The following MIER1 variants were observed in gnomAD, a reference collection of about 807,000 sequenced individuals.
MIER1 encodes MIER1 transcriptional regulator, also known as mesoderm induction early response protein 1.
A neutral mutation model predicts 75.7 loss-of-function variants in MIER1; 40 were observed. The ratio of observed to expected loss-of-function variants is 0.53; its 90% CI spans 0.41 to 0.69. The LOEUF (loss-of-function observed/expected upper bound fraction) is 0.69. Ranked by LOEUF, MIER1 falls within the 30% of genes least tolerant of loss-of-function variation. MIER1 has a pLI of 0.00. For missense variants in MIER1, 574 were observed against 680.2 expected (o/e 0.84, Z 1.74); for synonymous variants, 213 against 223.4 (o/e 0.95, Z 0.42).
At chr1:66,983,262 AGTC>A (rs1157564401) in intron 13 of MIER1, among the ~76,000 whole-genome samples, 3 of 152,320 alleles carry the variant, frequency 2.0e-5, no homozygotes, top group South Asian at 2.1e-4. Flanking sequence ...ACCTAATCAC[AGTC>A]GTCAGCTAGC....
intron 4 of MIER1, chr1:66,946,778 T>A: frequency 1.0e-6 from 1 of 985,394 alleles, no homozygotes. Context: ...CCTTGTTACA[T>A]CCATTTTTAT....
At chr1:66,963,938 G>C (rs1661784909) in intron 8 of MIER1, among the ~76,000 whole-genome samples, 1 of 151,570 alleles carries the variant, frequency 6.6e-6, no homozygotes, top group African/African-American at 2.4e-5. Context: ...GGATTACTTT[G>C]ATGCTTGTGT....
chr1:66,962,353 A>G (rs17129553), intron 7 of MIER1, among the ~76,000 whole-genome samples: 3,527 of 152,228 alleles, frequency 0.023, 136 homozygotes, highest in African/African-American at 0.082. Flanking sequence ...TTTGGCCCCT[A>G]CTGAGCTTTA....
chr1:66,966,594 C>CCTTGAGGAATCGCCACACTGT (rs1662458897), intron 8 of MIER1, among the ~76,000 whole-genome samples: 1 of 152,178 alleles, frequency 6.6e-6, no homozygotes, highest in Non-Finnish European at 1.5e-5. Flanking sequence ...AGTTCTAGGT[C>CCTTGAGGAATCGCCACACTGT]CTTGAGGAAT....
intron 4 of MIER1, among the ~76,000 whole-genome samples, chr1:66,948,413 A>T (rs1273589918): frequency 6.6e-6 from 1 of 152,252 alleles, no homozygotes; most frequent in Non-Finnish European, 1.5e-5. Flanking sequence ...ACATTTAAAG[A>T]GCTCAAAAAG....
At chr1:66,955,337 T>TA (rs2101650796) in intron 4 of MIER1, among the ~76,000 whole-genome samples, 1 of 13,216 alleles carries the variant, frequency 7.6e-5, no homozygotes, top group African/African-American at 3.4e-4. Context: ...ATCACCTGAG[T>TA]TTTTTTTTTT....
intron 8 of MIER1, among the ~76,000 whole-genome samples, chr1:66,969,727 AAAAC>A (rs1293481170): frequency 6.6e-6 from 1 of 152,022 alleles, no homozygotes; most frequent in Non-Finnish European, 1.5e-5. Context: ...CTCATCTTTG[AAAAC>A]AAACAAACCA....
intron 1 of MIER1, among the ~76,000 whole-genome samples, 180 bp from the exon 2 acceptor site, chr1:66,925,962 C>T (rs953429819): frequency 4.6e-5 from 7 of 151,762 alleles, no homozygotes; most frequent in Non-Finnish European, 7.4e-5. Flanking sequence ...CGCTTTTATT[C>T]CTTTATCATT....
chr1:66,934,697 T>A (rs967087152), intron 2 of MIER1, among the ~76,000 whole-genome samples: 4 of 152,134 alleles, frequency 2.6e-5, no homozygotes, highest in Admixed American at 2.0e-4. Flanking sequence ...TCCCAGTCCT[T>A]ATTTTCTATG....
At position 66,984,741 on chromosome 1, in the gene MIER1, G is replaced by A. The variant is rs765371444; in HGVS notation, c.1539G>A (p.Met513Ile). Residue 513 changes from methionine (M) to isoleucine (I), a missense_variant, in exon 14 of 14, where the codon ATG (methionine) becomes ATA (isoleucine). Physicochemically the swap from Met to Ile is conservative, Grantham distance 10 (BLOSUM62 1). Coordinates refer to ENST00000401041, the MANE Select transcript of MIER1 (RefSeq NM_001077700.3). ...CCACTGACCCAAAACTTGCCCATAT[G>A]ACTGCAAGAAATGAAAATGATTTTG... Reference protein sequence around the residue: ...NLTTDPKLAHMTARNENDFDE... With the variant: ...NLTTDPKLAHITARNENDFDE... 1 of 1,613,904 alleles carries A rather than the reference G, an allele frequency of 6.2e-7. No individual in the cohort carries two copies. The highest frequency in any genetic ancestry group is 8.5e-7 in the Non-Finnish European group (1 of 1,179,930).
chr1:66,939,361 C>G (rs918042709), intron 2 of MIER1, among the ~76,000 whole-genome samples: 2 of 152,070 alleles, frequency 1.3e-5, no homozygotes, highest in African/African-American at 4.8e-5. Context: ...AAATTTATGA[C>G]AGGTAGAATG....
chr1:66,960,585 G>A (rs895889562), intron 7 of MIER1, among the ~76,000 whole-genome samples: 5 of 152,144 alleles, frequency 3.3e-5, no homozygotes, highest in Non-Finnish European at 5.9e-5. Flanking sequence ...GGCTGAGGTA[G>A]GGAGAATCAC....
At chr1:66,953,437 T>G (rs769218695) in intron 4 of MIER1, among the ~76,000 whole-genome samples, 2 of 152,142 alleles carry the variant, frequency 1.3e-5, no homozygotes, top group Non-Finnish European at 2.9e-5. Context: ...ACTTTTACCT[T>G]AGATTAAATA....
At chr1:66,925,482 C>G (rs1013341492) in intron 1 of MIER1, 2 of 985,474 alleles carry the variant, frequency 2.0e-6, no homozygotes, top group South Asian at 4.7e-5. Flanking sequence ...CCTGTATTTC[C>G]CTCACTTGTG....
At chr1:66,978,508 T>A (rs757135001) in intron 12 of MIER1, among the ~76,000 whole-genome samples, 1 of 152,156 alleles carries the variant, frequency 6.6e-6, no homozygotes. Flanking sequence ...ATGTTAAATT[T>A]ATAGTTAATT....
chr1:66,938,192 A>G (rs1311312928), intron 2 of MIER1, among the ~76,000 whole-genome samples: 1 of 152,188 alleles, frequency 6.6e-6, no homozygotes, highest in Admixed American at 6.5e-5. Context: ...TAAGATATTT[A>G]TTGGCATTCA....
In MIER1 at chr1:66,959,720, A is replaced by G; in HGVS notation, c.676A>G (p.Ile226Val). The G allele has an allele frequency of 7.0e-7, 1 of 1,434,170 alleles. No individual in the cohort carries two copies. 88.8% of individuals were successfully genotyped at this position (1,434,170 alleles called of 1,614,324 possible). A position where few individuals can be genotyped will look rare whatever the true frequency, so the allele number is the denominator to read the frequency against. ...AGAATCTGAAGAAGATGAAGATTAT[A>G]TTCCATCAGAAGACTGGAAAAAGGT... is the stretch of plus-strand genomic sequence containing the variant. The part of the protein sequence containing the change: ...EEESEEDEDY[I>V]PSEDWKKEIM... The change falls in exon 7 of 14, where the codon ATT becomes GTT. Residue 226 changes from isoleucine to valine, a missense_variant. Around this residue, in one of 3 missense-constraint regions of MIER1, gnomAD observed 309 missense variants for 352.8 expected, o/e 0.88. Transcript: ENST00000401041.
At chr1:66,934,009 G>C (rs1392625320) in intron 2 of MIER1, among the ~76,000 whole-genome samples, 1 of 152,240 alleles carries the variant, frequency 6.6e-6, no homozygotes, top group South Asian at 2.1e-4. Flanking sequence ...TCAAGTACCA[G>C]TCATTGCTTG....
At chr1:66,964,650 C>A (rs1444590032) in intron 8 of MIER1, among the ~76,000 whole-genome samples, 4 of 150,794 alleles carry the variant, frequency 2.7e-5, no homozygotes, top group African/African-American at 4.9e-5. Flanking sequence ...TGAGGTTTCT[C>A]CATGTCGGTC....
Sources: allele counts gnomAD v4.1 joint callset (sites outside exome capture counted in the v4.1 genomes callset), GRCh38; gene constraint gnomAD v4.1.1; regional missense constraint gnomAD v4.1.1; transcripts MANE v1.5; gene names NCBI Gene and HGNC (gene_info 2026-07-23, HGNC 2026-07-21).